Variants in MAF observed in about 807,000 individuals in gnomAD.
MAF encodes MAF bZIP transcription factor.
Under a neutral mutation model 22.0 loss-of-function variants are expected in MAF, and 10 were observed. That is an observed-to-expected ratio of 0.45 (90% CI 0.28 to 0.77). The LOEUF (loss-of-function observed/expected upper bound fraction) is 0.77. MAF is among the 30% of genes least tolerant of loss of function. The probability of loss-of-function intolerance (pLI) is 0.12; values close to 1 mark genes in which losing one functional copy is unlikely to be tolerated. For synonymous variants in MAF, 337 were observed against 255.8 expected, an observed-to-expected ratio of 1.32 and a Z score of -3.03; for missense variants, 544 against 548.4, an observed-to-expected ratio of 0.99 and a Z score of 0.08.
At chr16:79,427,061 A>C in the MAF span, among the ~76,000 whole-genome samples, 6 of 152,358 alleles carry the variant, frequency 3.9e-5, no homozygotes, top group South Asian at 1.2e-3. Flanking sequence ...GCTGCACCGA[A>C]AAGTCCAGAG....
chr16:79,360,024 T>C, the MAF span, among the ~76,000 whole-genome samples: 22 of 152,046 alleles, frequency 1.4e-4, no homozygotes, highest in Non-Finnish European at 2.5e-4. Flanking sequence ...CCTGGAGCAA[T>C]TGGGGAAGAG....
At chr16:79,440,650 A>T in the MAF span, among the ~76,000 whole-genome samples, 2 of 152,146 alleles carry the variant, frequency 1.3e-5, no homozygotes, top group Non-Finnish European at 2.9e-5. Flanking sequence ...TGACCTCGTG[A>T]TCCACCCGCC....
chr16:79,297,754 G>A, the MAF span, among the ~76,000 whole-genome samples: 2 of 152,240 alleles, frequency 1.3e-5, no homozygotes, highest in Non-Finnish European at 1.5e-5. Context: ...CTGTGGAAAT[G>A]TGGGGCTGCG....
At chr16:79,321,850 C>G in the MAF span, among the ~76,000 whole-genome samples, 2 of 151,700 alleles carry the variant, frequency 1.3e-5, no homozygotes, top group Non-Finnish European at 2.9e-5. Context: ...CCACCGTGCC[C>G]GGCTGACAGG....
chr16:79,358,391 C>T, the MAF span, among the ~76,000 whole-genome samples: 1 of 152,118 alleles, frequency 6.6e-6, no homozygotes, highest in Non-Finnish European at 1.5e-5. Context: ...CCTTGACCTC[C>T]CTCGTTCACT....
At chr16:79,263,381 T>A in the MAF span, among the ~76,000 whole-genome samples, 1 of 152,246 alleles carries the variant, frequency 6.6e-6, no homozygotes. Context: ...TGATTTGATT[T>A]CCATATCTGG....
the MAF span, among the ~76,000 whole-genome samples, chr16:79,472,572 T>G: frequency 6.6e-6 from 1 of 152,048 alleles, no homozygotes; most frequent in African/African-American, 2.4e-5. Context: ...GTAGGCAAAT[T>G]TATACAGACA....
chr16:79,449,580 G>A, the MAF span, among the ~76,000 whole-genome samples: 1 of 152,170 alleles, frequency 6.6e-6, no homozygotes, highest in East Asian at 1.9e-4. Context: ...CAGTTGCTCT[G>A]TGTGAGGCAG....
chr16:79,297,863 G>A, the MAF span, among the ~76,000 whole-genome samples: 11 of 152,144 alleles, frequency 7.2e-5, no homozygotes, highest in Non-Finnish European at 1.6e-4. Flanking sequence ...AGAGCAGGGC[G>A]CCCACACCCA....
At chr16:79,457,779 G>C in the MAF span, among the ~76,000 whole-genome samples, 1,928 of 152,148 alleles carry the variant, frequency 0.013, 34 homozygotes, top group African/African-American at 0.044. Flanking sequence ...GAGTGATCAA[G>C]GCACCCCAAG....
chr16:79,550,677 T>C, the MAF span, among the ~76,000 whole-genome samples: 21 of 152,318 alleles, frequency 1.4e-4, 1 homozygote, highest in East Asian at 4.1e-3. Context: ...TTTGTCCATC[T>C]CACCGCCTGT....
chr16:79,224,934 T>G, the MAF span, among the ~76,000 whole-genome samples: 10 of 152,218 alleles, frequency 6.6e-5, no homozygotes, highest in Admixed American at 5.2e-4. Flanking sequence ...ATGGCCATAC[T>G]GCCCAAAGCA....
chr16:79,347,777 T>G, the MAF span, among the ~76,000 whole-genome samples: 1 of 152,136 alleles, frequency 6.6e-6, no homozygotes, highest in African/African-American at 2.4e-5. Flanking sequence ...TCCTAACTCC[T>G]GTCTTAGGTA....
At chr16:79,493,480 T>C in the MAF span, among the ~76,000 whole-genome samples, 4 of 152,146 alleles carry the variant, frequency 2.6e-5, no homozygotes, top group African/African-American at 7.2e-5. Flanking sequence ...GCACCTGGCC[T>C]CTTTTTGTAT....
At chr16:79,409,848 CCA>C in the MAF span, among the ~76,000 whole-genome samples, 1 of 152,218 alleles carries the variant, frequency 6.6e-6, no homozygotes, top group Non-Finnish European at 1.5e-5. Context: ...AATCCCATAG[CCA>C]CTAGCCAAAC....
chr16:79,238,114 T>A, the MAF span, among the ~76,000 whole-genome samples: 8 of 152,076 alleles, frequency 5.3e-5, no homozygotes, highest in Non-Finnish European at 8.8e-5. Flanking sequence ...CAGCAAAGGA[T>A]CTTGACTCTG....
the MAF span, among the ~76,000 whole-genome samples, chr16:79,219,833 C>G: frequency 2.5e-4 from 38 of 152,150 alleles, no homozygotes; most frequent in Non-Finnish European, 5.1e-4. Context: ...AGTGGGAATT[C>G]CATTGGTAAT....
chr16:79,598,622 C>G (rs563962692), intron 1 of MAF, 163 bp downstream of exon 1: 1 of 1,403,020 alleles, frequency 7.1e-7, no homozygotes, highest in South Asian at 1.3e-5. Flanking sequence ...TGTGTGCGTG[C>G]GGGTTTGTGT....
chr16:79,207,394 T>G, the MAF span, among the ~76,000 whole-genome samples: 476 of 152,384 alleles, frequency 3.1e-3, 4 homozygotes, highest in Admixed American at 0.024. Flanking sequence ...ACGTTAGTCA[T>G]GGGAACACTG....
Sources: allele counts gnomAD v4.1 joint callset (sites outside exome capture counted in the v4.1 genomes callset), GRCh38; gene constraint gnomAD v4.1.1; transcripts MANE v1.5; gene names NCBI Gene and HGNC (gene_info 2026-07-23, HGNC 2026-07-21).